CDK13: variants seen among roughly 807,000 people sequenced by gnomAD.
The protein encoded by CDK13 is cyclin dependent kinase 13.
Under a neutral mutation model 137.6 loss-of-function variants are expected in CDK13, and 40 were observed. That is an observed-to-expected ratio of 0.29 (90% confidence interval 0.23 to 0.38). CDK13 has a LOEUF of 0.38. Among genes scored for constraint, CDK13 ranks in the 10% least tolerant of loss-of-function variants. The probability of loss-of-function intolerance (pLI) is 1.00; values close to 1 mark genes in which losing one functional copy is unlikely to be tolerated. For synonymous variants in CDK13, 869 were observed against 760.1 expected, an observed-to-expected ratio of 1.14 and a Z score of -2.36; for missense variants, 1,704 against 1,951.8, an observed-to-expected ratio of 0.87 and a Z score of 2.39.
chr7:40,082,574 T>A (rs1463052157), intron 11 of CDK13, among the ~76,000 whole-genome samples: 2 of 149,392 alleles, frequency 1.3e-5, no homozygotes, highest in Non-Finnish European at 1.5e-5. Context: ...GAGGATCACT[T>A]GATGCCAGCA....
chr7:39,992,163 G>GGGGTGTGTGTGTGTGTGT (rs550297232), intron 2 of CDK13, among the ~76,000 whole-genome samples: 11 of 146,310 alleles, frequency 7.5e-5, no homozygotes, highest in Admixed American at 2.7e-4. Context: ...AACTAATGAG[G>GGGGTGTGTGTGTGTGTGT]GTGTGTGTGT....
chr7:39,962,854 T>A (rs1220494653), intron 1 of CDK13, among the ~76,000 whole-genome samples: 1 of 152,234 alleles, frequency 6.6e-6, no homozygotes, highest in Non-Finnish European at 1.5e-5. Context: ...CTAGCTAGTT[T>A]TCCCAGCACC....
intron 5 of CDK13, among the ~76,000 whole-genome samples, chr7:40,022,320 A>C (rs1186178436): frequency 6.6e-6 from 1 of 152,172 alleles, no homozygotes; most frequent in Non-Finnish European, 1.5e-5. Flanking sequence ...TGTAATGTGC[A>C]TGTATCAATT....
chr7:40,029,715 T>G (rs1199611696), intron 5 of CDK13, among the ~76,000 whole-genome samples: 1 of 151,962 alleles, frequency 6.6e-6, no homozygotes, highest in Non-Finnish European at 1.5e-5. Flanking sequence ...TACAGTGCTG[T>G]GATCTTGGCT....
chr7:40,035,377 G>A (rs907175209), intron 5 of CDK13, among the ~76,000 whole-genome samples: 3 of 152,156 alleles, frequency 2.0e-5, no homozygotes, highest in Middle Eastern at 3.4e-3. Context: ...GAACTGGGCC[G>A]CACAGTAGGA....
intron 5 of CDK13, among the ~76,000 whole-genome samples, chr7:40,020,943 T>C (rs1372147924): frequency 6.6e-6 from 1 of 151,756 alleles, no homozygotes; most frequent in African/African-American, 2.4e-5. Context: ...ATACAAAAAT[T>C]AGCAGGGCGT....
At chr7:39,994,934 AT>A (rs962102911) in intron 2 of CDK13, among the ~76,000 whole-genome samples, 2 of 151,548 alleles carry the variant, frequency 1.3e-5, no homozygotes, top group South Asian at 2.1e-4. Context: ...TCTTCCTTGA[AT>A]TTTTTTTGGA....
intron 5 of CDK13, among the ~76,000 whole-genome samples, chr7:40,005,534 TG>T (rs1316938658): frequency 6.6e-6 from 1 of 152,140 alleles, no homozygotes; most frequent in Non-Finnish European, 1.5e-5. Context: ...TGACCTCAAG[TG>T]ATCTGCCTGC....
chr7:40,044,920 G>A (rs1427903671), intron 5 of CDK13, among the ~76,000 whole-genome samples: 1 of 152,204 alleles, frequency 6.6e-6, no homozygotes, highest in Non-Finnish European at 1.5e-5. Flanking sequence ...ACAGGCATGA[G>A]CCACTGGCAA....
intron 6 of CDK13, among the ~76,000 whole-genome samples, chr7:40,047,443 C>A (rs1208209228): frequency 6.6e-6 from 1 of 152,088 alleles, no homozygotes; most frequent in Non-Finnish European, 1.5e-5. Context: ...CGTTCTTGAG[C>A]ACTGTTACCT....
At chr7:40,010,582 G>A (rs1784874578) in intron 5 of CDK13, among the ~76,000 whole-genome samples, 1 of 152,220 alleles carries the variant, frequency 6.6e-6, no homozygotes, top group South Asian at 2.1e-4. Context: ...TACTTGGGAT[G>A]CATAGGCAGA....
chr7:40,094,535 G>A lies in CDK13; in HGVS notation c.4094G>A (p.Arg1365Gln), dbSNP rs1257385562. 4.3e-6 allele frequency: 7 copies of A among 1,611,702 alleles called. No individual in the cohort carries two copies. In the Admixed American group the frequency reaches 5.0e-5, roughly 12 times the overall value. The change falls in exon 14 of 14, where the codon CGA (arginine) becomes CAA (glutamine). Residue 1365 changes from arginine to glutamine, a missense_variant. Physicochemically the swap from Arg to Gln is conservative, Grantham distance 43. Around this residue, in one of 5 missense-constraint regions of CDK13, gnomAD observed 475 missense variants for 579.3 expected, o/e 0.82. Transcript: ENST00000181839. ...AGCAGTTCTGCTCCACCACTAGAACGACGTAGTTTCATTGGAAATTCAGAT... is the reference window on the plus strand; with the variant it reads ...AGCAGTTCTGCTCCACCACTAGAACAACGTAGTTTCATTGGAAATTCAGAT... ...LGSSSAPPLE[R>Q]RSFIGNSDIQ...
chr7:40,085,575 A>G (rs554733701), intron 11 of CDK13: 1 of 152,712 alleles, frequency 6.5e-6, no homozygotes, highest in African/African-American at 2.4e-5. Context: ...AGGTATCCCA[A>G]CAGAGACTGA....
intron 1 of CDK13, among the ~76,000 whole-genome samples, chr7:39,959,349 C>G (rs777068142): frequency 6.6e-6 from 1 of 151,368 alleles, no homozygotes; most frequent in Non-Finnish European, 1.5e-5. Flanking sequence ...TTAGTAGAGA[C>G]GAGGTTTTTC....
At position 40,090,461 on chromosome 7, in the gene CDK13, C is replaced by G. The variant is rs111935825; in HGVS notation, c.3235+2130C>G. Among the ~76,000 whole-genome samples, 728 of 152,328 alleles carry G rather than the reference C, an allele frequency of 4.8e-3. 7 individuals are homozygous for G. The highest frequency in any genetic ancestry group is 0.016 in the African/African-American group (683 of 41,576). On this transcript the variant is annotated intron_variant, in intron 12 of 13. Coordinates refer to ENST00000181839, the MANE Select transcript of CDK13 (RefSeq NM_003718.5). Reference sequence around the variant, plus strand: ...CTCCGCCTCCCAGGTTCAAGTGATTCTCCTGCCTCAGACTCCAGAGTAACT... The same window carrying G: ...CTCCGCCTCCCAGGTTCAAGTGATTGTCCTGCCTCAGACTCCAGAGTAACT...
intron 11 of CDK13, among the ~76,000 whole-genome samples, chr7:40,082,486 C>CAAA (rs70996879): frequency 1.1e-4 from 8 of 74,792 alleles, no homozygotes; most frequent in African/African-American, 2.2e-4. Flanking sequence ...ACTCCATTTC[C>CAAA]AAAAAAAAAA....
chr7:40,064,011 A>G (rs1786214858), intron 9 of CDK13, among the ~76,000 whole-genome samples: 2 of 152,210 alleles, frequency 1.3e-5, no homozygotes, highest in South Asian at 4.1e-4. Flanking sequence ...TTGGCCAGGC[A>G]CGGTTTCTCA....
chr7:39,975,453 C>G (rs966392623), intron 1 of CDK13, among the ~76,000 whole-genome samples: 2 of 152,034 alleles, frequency 1.3e-5, no homozygotes, highest in Non-Finnish European at 2.9e-5. Context: ...TTGTTTGACC[C>G]CTATATGTGA....
chr7:39,977,068 C>G (rs1031502188), intron 1 of CDK13, among the ~76,000 whole-genome samples: 5 of 152,042 alleles, frequency 3.3e-5, no homozygotes, highest in Admixed American at 6.6e-5. Flanking sequence ...GAATGGAGAC[C>G]GTGCTGCTTG....
Sources: allele counts gnomAD v4.1 joint callset (sites outside exome capture counted in the v4.1 genomes callset), GRCh38; gene constraint gnomAD v4.1.1; regional missense constraint gnomAD v4.1.1; transcripts MANE v1.5; gene names NCBI Gene and HGNC (gene_info 2026-07-23, HGNC 2026-07-21).